SPOCK3: variants seen among roughly 807,000 people sequenced by gnomAD.
SPOCK3 encodes testican-3.
SPOCK3 carries 30 observed loss-of-function variants against 56.6 expected under a neutral mutation model. The ratio of observed to expected loss-of-function variants is 0.53; its 90% CI spans 0.40 to 0.72. The LOEUF (loss-of-function observed/expected upper bound fraction) is 0.72. Among genes scored for constraint, SPOCK3 ranks in the 30% least tolerant of loss-of-function variants. The pLI, the probability that SPOCK3 is intolerant of heterozygous loss-of-function variation, is 0.00. For synonymous variants in SPOCK3, 196 were observed against 183.3 expected (o/e 1.07, Z -0.56); for missense variants, 527 against 530.0 (o/e 0.99, Z 0.06).
At chr4:167,017,990 G>A (rs911651160) in intron 3 of SPOCK3, among the ~76,000 whole-genome samples, 17 of 151,852 alleles carry the variant, frequency 1.1e-4, no homozygotes, top group African/African-American at 1.5e-4. Flanking sequence ...TCTTTCTCAC[G>A]AAGGGACTTA....
chr4:167,192,436 C>CT (rs908273506), intron 2 of SPOCK3, among the ~76,000 whole-genome samples: 7 of 145,644 alleles, frequency 4.8e-5, no homozygotes, highest in Non-Finnish European at 1.0e-4. Flanking sequence ...TGTTGAGAGA[C>CT]TTTTTTATTA....
At chr4:167,152,332 A>G (rs1348748669) in intron 2 of SPOCK3, among the ~76,000 whole-genome samples, 1 of 152,208 alleles carries the variant, frequency 6.6e-6, no homozygotes. Context: ...CAATAACTAC[A>G]CAAGGATGAA....
intron 4 of SPOCK3, among the ~76,000 whole-genome samples, chr4:166,963,241 G>A (rs1301075551): frequency 6.6e-6 from 1 of 151,918 alleles, no homozygotes; most frequent in East Asian, 1.9e-4. Flanking sequence ...TTAAGTAAGA[G>A]CATCTTTTTG....
In SPOCK3 at chr4:167,005,202, C is replaced by A. The variant is rs1749338692; in HGVS notation, c.236-4739G>T. Among the ~76,000 whole-genome samples, 5 of 151,712 alleles carry A rather than the reference C, an allele frequency of 3.3e-5. No individual in the cohort carries two copies. The South Asian group carries it at 1.0e-3, about 32-fold the overall frequency. ...GAACAGAATAATGGACAATGATTTT[C>A]TTTTTTTTCTTTATTCTTTTTTTTT... On this transcript the variant is annotated intron_variant, in intron 3 of 10. Transcript: ENST00000357545.
intron 4 of SPOCK3, among the ~76,000 whole-genome samples, chr4:166,938,057 G>A (rs1740647280): frequency 6.6e-6 from 1 of 151,478 alleles, no homozygotes; most frequent in African/African-American, 2.4e-5. Context: ...CTCCCAAAGT[G>A]CTGGGATTAC....
chr4:167,121,324 C>A (rs1761846961), intron 2 of SPOCK3, among the ~76,000 whole-genome samples: 1 of 151,528 alleles, frequency 6.6e-6, no homozygotes, highest in Non-Finnish European at 1.5e-5. Context: ...ATAATAAATT[C>A]CTCATAAAAA....
intron 7 of SPOCK3, among the ~76,000 whole-genome samples, chr4:166,763,798 TTAAC>T (rs1737573299): frequency 6.6e-6 from 1 of 152,144 alleles, no homozygotes; most frequent in African/African-American, 2.4e-5. Context: ...ATATAGTTAA[TTAAC>T]TATGTTAGTT....
Position 167,055,087 on chromosome 4 carries a change from T to C in SPOCK3, c.235+7405A>G, listed in dbSNP as rs556519722. Among the ~76,000 whole-genome samples, 3 of 152,274 alleles carry C rather than the reference T, an allele frequency of 2.0e-5. No homozygotes were observed. In the East Asian group the frequency reaches 5.8e-4, roughly 29 times the overall value. ...ATATTAATAGTTAAAACAATATAAATATCAGTATAAAAATATAATGACAAT... is the reference window on the plus strand; with the variant it reads ...ATATTAATAGTTAAAACAATATAAACATCAGTATAAAAATATAATGACAAT... On this transcript the variant is annotated intron_variant, in intron 3 of 10. Coordinates refer to ENST00000357545, the MANE Select transcript of SPOCK3 (RefSeq NM_001040159.2).
chr4:167,062,158 A>G (rs1755672484), intron 3 of SPOCK3, among the ~76,000 whole-genome samples: 1 of 151,882 alleles, frequency 6.6e-6, no homozygotes, highest in African/African-American at 2.4e-5. Context: ...GTTTGTACAA[A>G]TAAATCTATT....
intron 2 of SPOCK3, among the ~76,000 whole-genome samples, chr4:167,154,932 T>C (rs1430770648): frequency 6.6e-6 from 1 of 152,068 alleles, no homozygotes; most frequent in African/African-American, 2.4e-5. Flanking sequence ...TGCTTGGTAA[T>C]TGTGATGATG....
intron 3 of SPOCK3, among the ~76,000 whole-genome samples, chr4:167,058,928 T>A (rs1282562573): frequency 2.0e-5 from 3 of 152,188 alleles, no homozygotes; most frequent in Non-Finnish European, 2.9e-5. Context: ...TAAATGGTGC[T>A]GGGAAAACTG....
At chr4:166,962,994 C>T (rs1744307612) in intron 4 of SPOCK3, among the ~76,000 whole-genome samples, 2 of 152,024 alleles carry the variant, frequency 1.3e-5, no homozygotes, top group African/African-American at 4.8e-5. Context: ...AATGCCATTC[C>T]TTTTGTCATG....
At chr4:167,087,356 T>C (rs1758291930) in intron 2 of SPOCK3, among the ~76,000 whole-genome samples, 1 of 146,922 alleles carries the variant, frequency 6.8e-6, no homozygotes, top group Admixed American at 7.1e-5. Flanking sequence ...TATTATGATG[T>C]AGAATTTCAA....
intron 4 of SPOCK3, among the ~76,000 whole-genome samples, chr4:167,000,047 A>G (rs1748789824): frequency 6.6e-6 from 1 of 152,218 alleles, no homozygotes; most frequent in Non-Finnish European, 1.5e-5. Flanking sequence ...TAGAGGGAAC[A>G]AAACTAATTG....
At chr4:166,861,110 C>A (rs1731208263) in intron 6 of SPOCK3, among the ~76,000 whole-genome samples, 1 of 151,914 alleles carries the variant, frequency 6.6e-6, no homozygotes, top group Non-Finnish European at 1.5e-5. Context: ...GATTCAATCT[C>A]CACTAGGAGA....
chr4:166,770,920 T>C (rs778748363), intron 7 of SPOCK3, among the ~76,000 whole-genome samples: 23 of 151,860 alleles, frequency 1.5e-4, no homozygotes, highest in Non-Finnish European at 2.1e-4. Context: ...TGTGGTGACA[T>C]GAATGAGATT....
chr4:166,879,522 T>G (rs1199823378), intron 6 of SPOCK3, among the ~76,000 whole-genome samples: 1 of 152,132 alleles, frequency 6.6e-6, no homozygotes, highest in Non-Finnish European at 1.5e-5. Context: ...AAGTGTAAGA[T>G]TTAAAAAATA....
chr4:166,984,109 T>C (rs1746879848), intron 4 of SPOCK3, among the ~76,000 whole-genome samples: 1 of 152,010 alleles, frequency 6.6e-6, no homozygotes, highest in East Asian at 1.9e-4. Context: ...ATAATACAAA[T>C]TGTTTGAAGC....
rs1317276102 is a variant in SPOCK3, at chr4:166,952,065, G to T, written c.351-39322C>A. ...TCTCACCACTCCTATTCAACATAGT[G>T]TTGGAGATTCTGGCCAGGGCAATTA... On this transcript the variant is annotated intron_variant, in intron 4 of 10. Transcript: ENST00000357545. Among the ~76,000 whole-genome samples the T allele has an allele frequency of 2.6e-5, 4 of 152,286 alleles. No individual in the cohort carries two copies. In the East Asian group the frequency reaches 7.7e-4, roughly 29 times the overall value.
Sources: gnomAD v4.1 joint callset for allele counts (sites outside exome capture counted in the v4.1 genomes callset) on GRCh38, gnomAD v4.1.1 for gene constraint, MANE v1.5 for transcripts, NCBI Gene and HGNC (gene_info 2026-07-23, HGNC 2026-07-21) for gene names.